Variants in NCOA1 observed in about 807,000 individuals in gnomAD.
NCOA1 encodes the protein nuclear receptor coactivator 1, also known as Hin-2 protein.
NCOA1 carries 35 observed loss-of-function variants against 150.9 expected under a neutral mutation model. The ratio of observed to expected loss-of-function variants is 0.23; its 90% CI spans 0.18 to 0.31. NCOA1 has a LOEUF of 0.31. Among genes scored for constraint, NCOA1 ranks in the 10% least tolerant of loss-of-function variants. The probability of loss-of-function intolerance (pLI) is 1.00; values close to 1 mark genes in which losing one functional copy is unlikely to be tolerated. For missense variants in NCOA1, 1,491 were observed against 1,749.3 expected (o/e 0.85, Z 2.63); for synonymous variants, 590 against 630.0 (o/e 0.94, Z 0.95).
At position 24,769,239 on chromosome 2, in the gene NCOA1, G is replaced by C. The variant is rs1432445864; in HGVS notation, c.*848G>C. On this transcript the variant is annotated 3_prime_UTR_variant, in exon 23 of 23. Transcript: ENST00000348332. ...TTATTTAAAATAAAATTAAATTTAT[G>C]ATCCAAGTAGCTTATTTTTCCCTTT... The C allele has an allele frequency of 1.1e-5, 2 of 189,288 alleles. No homozygotes were observed. Among genetic ancestry groups the C allele is most frequent in the Non-Finnish European group, 2.2e-5 (2 of 90,004 alleles). The allele number at this position is 189,288 out of a possible 1,614,324, so 11.7% of individuals were successfully genotyped here. A position where few individuals can be genotyped will look rare whatever the true frequency, so the allele number is the denominator to read the frequency against.
At chr2:24,717,071 C>G (rs893765644) in intron 14 of NCOA1, among the ~76,000 whole-genome samples, 1 of 152,172 alleles carries the variant, frequency 6.6e-6, no homozygotes, top group Non-Finnish European at 1.5e-5. Context: ...TGATGCCCAA[C>G]TCATATGTCA....
chr2:24,685,227 T>C (rs1184803120), intron 8 of NCOA1, among the ~76,000 whole-genome samples: 1 of 152,172 alleles, frequency 6.6e-6, no homozygotes, highest in African/African-American at 2.4e-5. Context: ...CTTTTAAAAT[T>C]GCTTTTGAAT....
intron 1 of NCOA1, among the ~76,000 whole-genome samples, chr2:24,558,129 A>C (rs1450531925): frequency 6.6e-6 from 1 of 151,100 alleles, no homozygotes; most frequent in African/African-American, 2.4e-5. Context: ...GCTCTTGAAT[A>C]CTCCAAACTG....
At chr2:24,601,173 A>G (rs1487198507) in intron 3 of NCOA1, among the ~76,000 whole-genome samples, 2 of 152,066 alleles carry the variant, frequency 1.3e-5, no homozygotes, top group African/African-American at 4.8e-5. Flanking sequence ...ATTTTTAATA[A>G]TACCAGGAGG....
At chr2:24,550,578 C>T (rs578047686) in intron 1 of NCOA1, among the ~76,000 whole-genome samples, 1 of 152,216 alleles carries the variant, frequency 6.6e-6, no homozygotes, top group East Asian at 1.9e-4. Context: ...AGTTACCTCC[C>T]TTCAGGTCCT....
At chr2:24,541,663 AG>A (rs1429438815) in intron 1 of NCOA1, among the ~76,000 whole-genome samples, 3 of 152,164 alleles carry the variant, frequency 2.0e-5, no homozygotes, top group Admixed American at 6.5e-5. Flanking sequence ...TTTGACATAA[AG>A]GGGAAATTAT....
intron 1 of NCOA1, among the ~76,000 whole-genome samples, chr2:24,496,750 A>G (rs1405931347): frequency 6.6e-6 from 1 of 152,214 alleles, no homozygotes; most frequent in Non-Finnish European, 1.5e-5. Context: ...AAGTCCATGC[A>G]GATGTAGTTG....
chr2:24,544,401 A>T (rs187645376), intron 1 of NCOA1, among the ~76,000 whole-genome samples: 23 of 152,288 alleles, frequency 1.5e-4, no homozygotes, highest in East Asian at 5.8e-4. Flanking sequence ...ATGTGCGGAG[A>T]TGGAAGAGGT....
intron 11 of NCOA1, among the ~76,000 whole-genome samples, chr2:24,701,318 A>G (rs1368858553): frequency 6.6e-6 from 1 of 152,078 alleles, no homozygotes; most frequent in Admixed American, 6.6e-5. Context: ...AGCTTGGGCA[A>G]CATGGCGAAA....
intron 16 of NCOA1, 29 bp downstream of exon 16, chr2:24,728,505 T>C (rs56265609): frequency 0.026 from 41,862 of 1,585,754 alleles, 632 homozygotes; most frequent in African/African-American, 0.04. Flanking sequence ...ATTATTTAAC[T>C]GATGGAGCCC....
intron 10 of NCOA1, among the ~76,000 whole-genome samples, chr2:24,694,132 A>G (rs1233783686): frequency 6.6e-6 from 1 of 152,226 alleles, no homozygotes; most frequent in Non-Finnish European, 1.5e-5. Flanking sequence ...GAGAGCCTCA[A>G]ACTGAGTAAC....
intron 3 of NCOA1, among the ~76,000 whole-genome samples, chr2:24,591,571 G>GT (rs1286075485): frequency 6.6e-6 from 1 of 152,080 alleles, no homozygotes; most frequent in East Asian, 1.9e-4. Flanking sequence ...GAGTTCTTTA[G>GT]TTTTTGGTGG....
chr2:24,531,409 A>G (rs568619640), intron 1 of NCOA1, among the ~76,000 whole-genome samples: 1 of 152,284 alleles, frequency 6.6e-6, no homozygotes, highest in Non-Finnish European at 1.5e-5. Flanking sequence ...AAGAAAAAAA[A>G]TAATCTATTT....
chr2:24,650,452 A>G (rs1670662170), intron 4 of NCOA1, among the ~76,000 whole-genome samples: 1 of 152,210 alleles, frequency 6.6e-6, no homozygotes, highest in South Asian at 2.1e-4. Context: ...ACTTTTGTTC[A>G]TTAAAGAATA....
At chr2:24,702,667 A>G (rs547059143) in intron 11 of NCOA1, among the ~76,000 whole-genome samples, 19 of 152,350 alleles carry the variant, frequency 1.2e-4, no homozygotes, top group Admixed American at 9.1e-4. Flanking sequence ...TGAGGTGTCA[A>G]TAATAGTCCT....
chr2:24,737,567 G>GT (rs1222467180), intron 17 of NCOA1, among the ~76,000 whole-genome samples: 2 of 152,122 alleles, frequency 1.3e-5, no homozygotes, highest in African/African-American at 2.4e-5. Context: ...CTCCTCTCCT[G>GT]TTTTTTTACT....
chr2:24,724,379 G>A (rs1484331321), intron 14 of NCOA1, among the ~76,000 whole-genome samples: 1 of 152,112 alleles, frequency 6.6e-6, no homozygotes, highest in Non-Finnish European at 1.5e-5. Flanking sequence ...GTATTTCCTA[G>A]AAGAAATACG....
At chr2:24,675,732 A>G (rs1572576279) in intron 7 of NCOA1, among the ~76,000 whole-genome samples, 1 of 152,240 alleles carries the variant, frequency 6.6e-6, no homozygotes, top group East Asian at 1.9e-4. Context: ...TAAAAATATA[A>G]AAATTAGCCA....
chr2:24,721,999 T>A (rs1407386069), intron 14 of NCOA1, among the ~76,000 whole-genome samples: 1 of 152,208 alleles, frequency 6.6e-6, no homozygotes, highest in Non-Finnish European at 1.5e-5. Context: ...ATTTCAGTGG[T>A]GTTTTTGAAG....
Sources: gnomAD v4.1 joint callset for allele counts (sites outside exome capture counted in the v4.1 genomes callset) on GRCh38, gnomAD v4.1.1 for gene constraint, MANE v1.5 for transcripts, NCBI Gene and HGNC (gene_info 2026-07-23, HGNC 2026-07-21) for gene names.